Variants in PRIM2 observed in about 807,000 individuals in gnomAD.
PRIM2 encodes the protein DNA primase large subunit.
In PRIM2, 39 loss-of-function variants were observed where a neutral mutation model predicts 67.3. That is an observed-to-expected ratio of 0.58 (90% CI 0.45 to 0.76). PRIM2 has a LOEUF of 0.76. Among genes scored for constraint, PRIM2 ranks in the 30% least tolerant of loss-of-function variants. The pLI, the probability that PRIM2 is intolerant of heterozygous loss-of-function variation, is 0.00. For missense variants in PRIM2, 398 were observed against 598.7 expected (o/e 0.66, Z 3.50); for synonymous variants, 143 against 198.7 (o/e 0.72, Z 2.36).
intron 7 of PRIM2, among the ~76,000 whole-genome samples, chr6:57,403,326 G>A (rs1479322210): frequency 4.7e-5 from 7 of 147,858 alleles, no homozygotes; most frequent in South Asian, 2.1e-4. Flanking sequence ...GCGCGAACTC[G>A]GCTCACTGCA....
intron 13 of PRIM2, among the ~76,000 whole-genome samples, chr6:57,636,406 TC>T (rs1302388478): frequency 6.6e-6 from 1 of 151,440 alleles, no homozygotes; most frequent in Non-Finnish European, 1.5e-5. Flanking sequence ...CTCTTCCCCT[TC>T]CCCCCACATA....
the PRIM2 span, among the ~76,000 whole-genome samples, chr6:57,307,489 C>A: frequency 6.6e-6 from 1 of 151,952 alleles, no homozygotes; most frequent in African/African-American, 2.4e-5. Context: ...CCGCCCACCT[C>A]GGCCTCCCAA....
At chr6:57,252,826 C>A in the PRIM2 span, among the ~76,000 whole-genome samples, 2 of 152,032 alleles carry the variant, frequency 1.3e-5, no homozygotes, top group African/African-American at 2.4e-5. Context: ...CAGCTCTGTT[C>A]TTTTCCAATC....
chr6:57,645,405 A>ATTTTTTTTTTTT (rs1458949369), intron 13 of PRIM2, among the ~76,000 whole-genome samples: 1 of 148,668 alleles, frequency 6.7e-6, no homozygotes, highest in African/African-American at 2.5e-5. Context: ...TAGTTTTCTA[A>ATTTTTTTTTTTT]TTTTTTGTTT....
intron 8 of PRIM2, among the ~76,000 whole-genome samples, chr6:57,531,480 G>C (rs1396278106): frequency 6.6e-6 from 1 of 152,138 alleles, no homozygotes; most frequent in Non-Finnish European, 1.5e-5. Flanking sequence ...TAATCTAGCA[G>C]CTGTTTTTTG....
intron 13 of PRIM2, among the ~76,000 whole-genome samples, chr6:57,639,546 G>A (rs1212729521): frequency 2.0e-5 from 3 of 149,954 alleles, no homozygotes; most frequent in African/African-American, 7.4e-5. Context: ...TCAAATAGAT[G>A]CAATAAAAAA....
chr6:57,255,214 T>C, the PRIM2 span, among the ~76,000 whole-genome samples: 2 of 152,114 alleles, frequency 1.3e-5, no homozygotes, highest in Middle Eastern at 3.4e-3. Context: ...TTACTCTCCA[T>C]TGGGCCGGGT....
At chr6:57,391,030 G>C (rs924491115) in intron 7 of PRIM2, among the ~76,000 whole-genome samples, 5 of 151,576 alleles carry the variant, frequency 3.3e-5, no homozygotes, top group African/African-American at 1.2e-4. Context: ...CCTCCTCTTC[G>C]CAACTTCATC....
the PRIM2 span, among the ~76,000 whole-genome samples, chr6:57,268,911 A>G: frequency 6.9e-3 from 794 of 114,704 alleles, no homozygotes; most frequent in Admixed American, 8.1e-3. Context: ...GCGATAGTTT[A>G]CTGAGAATGA....
chr6:57,581,928 C>T (rs1257208235), intron 10 of PRIM2, among the ~76,000 whole-genome samples: 2 of 152,292 alleles, frequency 1.3e-5, no homozygotes, highest in Non-Finnish European at 2.9e-5. Flanking sequence ...ACTAGGCAAC[C>T]CAGGGTCTAA....
the PRIM2 span, among the ~76,000 whole-genome samples, chr6:57,285,199 A>G: frequency 6.6e-6 from 1 of 152,186 alleles, no homozygotes; most frequent in Non-Finnish European, 1.5e-5. Flanking sequence ...CAGAGATATA[A>G]AGACAGCTGG....
chr6:57,402,469 GA>G (rs1770746628), intron 7 of PRIM2, among the ~76,000 whole-genome samples: 1 of 152,200 alleles, frequency 6.6e-6, no homozygotes. Context: ...CAAGGTGAAA[GA>G]GAGGAGTAGC....
At chr6:57,244,757 T>C in the PRIM2 span, among the ~76,000 whole-genome samples, 1 of 151,178 alleles carries the variant, frequency 6.6e-6, no homozygotes, top group Non-Finnish European at 1.5e-5. Context: ...AAAAAAAAAT[T>C]GCTTAATTTC....
intron 7 of PRIM2, among the ~76,000 whole-genome samples, chr6:57,457,411 C>T (rs1032375592): frequency 6.6e-6 from 1 of 152,216 alleles, no homozygotes; most frequent in Non-Finnish European, 1.5e-5. Context: ...GCAGGCAGGC[C>T]TCCTTGAGCT....
the PRIM2 span, chr6:57,221,648 G>T: frequency 2.0e-5 from 3 of 152,520 alleles, no homozygotes; most frequent in African/African-American, 4.8e-5. Context: ...AAAGCCGAAC[G>T]TTCGGCCAGA....
chr6:57,394,637 C>T (rs573437060), intron 7 of PRIM2, among the ~76,000 whole-genome samples: 2 of 152,192 alleles, frequency 1.3e-5, no homozygotes, highest in South Asian at 4.1e-4. Context: ...TTCCTCTTTA[C>T]CTATTTGGAT....
chr6:57,441,726 T>G (rs12204993), intron 7 of PRIM2, among the ~76,000 whole-genome samples: 10 of 152,304 alleles, frequency 6.6e-5, no homozygotes, highest in African/African-American at 1.2e-4. Flanking sequence ...AAGGAAAATT[T>G]GTTAATGCCC....
chr6:57,604,277 C>CA (rs1454285780), intron 11 of PRIM2, among the ~76,000 whole-genome samples: 9 of 151,266 alleles, frequency 5.9e-5, no homozygotes, highest in African/African-American at 1.7e-4. Flanking sequence ...GACTCTGTCT[C>CA]AAAAAAAAGA....
chr6:57,359,059 C>T (rs1352216722), intron 5 of PRIM2, among the ~76,000 whole-genome samples: 1 of 152,288 alleles, frequency 6.6e-6, no homozygotes, highest in African/African-American at 2.4e-5. Flanking sequence ...TTTTCATCTT[C>T]TCCAGCTGAA....
Sources: gnomAD v4.1 joint callset for allele counts (sites outside exome capture counted in the v4.1 genomes callset) on GRCh38, gnomAD v4.1.1 for gene constraint, MANE v1.5 for transcripts, NCBI Gene and HGNC (gene_info 2026-07-23, HGNC 2026-07-21) for gene names.